The following EPM2A variants were observed in gnomAD, a reference collection of about 807,000 sequenced individuals.
EPM2A encodes the protein EPM2A glucan phosphatase, laforin.
A neutral mutation model predicts 26.5 loss-of-function variants in EPM2A; 21 were observed. The ratio of observed to expected loss-of-function variants is 0.79; its 90% CI spans 0.56 to 1.14. The LOEUF is 1.14. Ranked by LOEUF, EPM2A falls within the 50% of genes most tolerant of loss-of-function variation. The pLI, the probability that EPM2A is intolerant of heterozygous loss-of-function variation, is 0.00. For synonymous variants in EPM2A, 217 were observed against 177.6 expected, an observed-to-expected ratio of 1.22 and a Z score of -1.76; for missense variants, 458 against 440.8, an observed-to-expected ratio of 1.04 and a Z score of -0.35.
intron 1 of EPM2A, among the ~76,000 whole-genome samples, chr6:145,690,267 T>C (rs561785360): frequency 2.9e-4 from 44 of 151,946 alleles, no homozygotes; most frequent in African/African-American, 8.4e-4. Flanking sequence ...TCCCAGCACT[T>C]TGGGAGGCCG....
chr6:145,451,289 T>C (rs1779192487), intron 4 of EPM2A, among the ~76,000 whole-genome samples: 1 of 152,176 alleles, frequency 6.6e-6, no homozygotes, highest in Non-Finnish European at 1.5e-5. Flanking sequence ...TGCATCACTA[T>C]TTTTCAAATG....
intron 2 of EPM2A, among the ~76,000 whole-genome samples, chr6:145,514,481 A>C (rs1213621533): frequency 6.6e-6 from 1 of 152,222 alleles, no homozygotes; most frequent in Admixed American, 6.5e-5. Context: ...AAATTTATTG[A>C]TATATGTACA....
chr6:145,658,886 T>C (rs1778482297), intron 2 of EPM2A, among the ~76,000 whole-genome samples: 1 of 152,174 alleles, frequency 6.6e-6, no homozygotes, highest in Admixed American at 6.5e-5. Flanking sequence ...TGTTTGTAAA[T>C]ATTTGTTCCT....
chr6:145,725,461 A>G (rs1483436256), intron 1 of EPM2A, among the ~76,000 whole-genome samples: 1 of 152,106 alleles, frequency 6.6e-6, no homozygotes, highest in Non-Finnish European at 1.5e-5. Flanking sequence ...ATAAAAATTC[A>G]TACCTACACA....
At chr6:145,491,044 A>G in intron 4 of EPM2A, 1 of 857,238 alleles carries the variant, frequency 1.2e-6, no homozygotes. Flanking sequence ...ACAGGTTCTG[A>G]TTCTGCAGAT....
intron 2 of EPM2A, among the ~76,000 whole-genome samples, chr6:145,540,081 C>T (rs1780485842): frequency 6.6e-6 from 1 of 152,144 alleles, no homozygotes; most frequent in Non-Finnish European, 1.5e-5. Flanking sequence ...TAAAGTGACC[C>T]CCGCCGTGTC....
chr6:145,605,031 G>C (rs1236665608), intron 2 of EPM2A, among the ~76,000 whole-genome samples: 1 of 152,116 alleles, frequency 6.6e-6, no homozygotes, highest in Non-Finnish European at 1.5e-5. Flanking sequence ...ATCTAATGGA[G>C]AGGGGTAATC....
chr6:145,473,318 A>G (rs1429548525), intron 4 of EPM2A, among the ~76,000 whole-genome samples: 1 of 151,992 alleles, frequency 6.6e-6, no homozygotes, highest in African/African-American at 2.4e-5. Context: ...AGAAGAAAAA[A>G]AAAATAGTGA....
At chr6:145,637,923 C>T (rs1776813948) in intron 2 of EPM2A, 1 of 152,206 alleles carries the variant, frequency 6.6e-6, no homozygotes. Flanking sequence ...TAGTGCTGGG[C>T]TCACGTATGT....
At chr6:145,543,852 A>G (rs149602368) in intron 2 of EPM2A, among the ~76,000 whole-genome samples, 217 of 152,324 alleles carry the variant, frequency 1.4e-3, no homozygotes, top group Non-Finnish European at 2.6e-3. Flanking sequence ...TGTACACTCC[A>G]GTACAGTTTG....
At chr6:145,576,714 T>C (rs907590521) in intron 2 of EPM2A, among the ~76,000 whole-genome samples, 2 of 152,106 alleles carry the variant, frequency 1.3e-5, no homozygotes, top group Non-Finnish European at 2.9e-5. Context: ...TAAAACTCAC[T>C]GGTAAAAGTA....
chr6:145,725,256 C>G (rs1776143203), intron 1 of EPM2A, among the ~76,000 whole-genome samples: 1 of 152,008 alleles, frequency 6.6e-6, no homozygotes, highest in African/African-American at 2.4e-5. Context: ...CACTATGCAC[C>G]TATTACAGTA....
intron 1 of EPM2A, among the ~76,000 whole-genome samples, chr6:145,700,714 T>C (rs912864157): frequency 6.6e-6 from 1 of 152,180 alleles, no homozygotes; most frequent in Non-Finnish European, 1.5e-5. Flanking sequence ...CATTGAGAAA[T>C]ATTTTACATT....
At chr6:145,543,208 G>C (rs1057504774) in intron 2 of EPM2A, among the ~76,000 whole-genome samples, 5 of 151,796 alleles carry the variant, frequency 3.3e-5, no homozygotes, top group African/African-American at 1.2e-4. Context: ...AGCAAAGGAT[G>C]CTCTTTTTTT....
At chr6:145,711,979 G>C (rs948719589) in intron 1 of EPM2A, among the ~76,000 whole-genome samples, 4 of 152,014 alleles carry the variant, frequency 2.6e-5, no homozygotes, top group South Asian at 2.1e-4. Flanking sequence ...AGAAGAATAA[G>C]GCATCAGTTT....
At chr6:145,411,220 A>G (rs1778638536) in intron 4 of EPM2A, among the ~76,000 whole-genome samples, 1 of 152,224 alleles carries the variant, frequency 6.6e-6, no homozygotes, top group African/African-American at 2.4e-5. Context: ...ATGATCAGTA[A>G]TCAAGTCTCA....
At chr6:145,489,075 T>C (rs1779721601) in intron 4 of EPM2A, among the ~76,000 whole-genome samples, 1 of 152,122 alleles carries the variant, frequency 6.6e-6, no homozygotes, top group Non-Finnish European at 1.5e-5. Flanking sequence ...TCTCGAAATT[T>C]TGCCACCACC....
chr6:145,625,810 C>G lies in EPM2A; in HGVS notation c.*1606G>C, dbSNP rs1022057411. ...AGCTCCACTGAAACTTACCTTGTATCCTTCTTGTCCCCCACGCCTTCTAAA... is the reference window on the plus strand; with the variant it reads ...AGCTCCACTGAAACTTACCTTGTATGCTTCTTGTCCCCCACGCCTTCTAAA... On this transcript the variant is annotated 3_prime_UTR_variant, in exon 4 of 4. Coordinates refer to ENST00000367519, the MANE Select transcript of EPM2A (RefSeq NM_005670.4). 3 of 1,538,314 alleles carry G rather than the reference C, an allele frequency of 2.0e-6. No individual in the cohort carries two copies. The highest frequency in any genetic ancestry group is 1.7e-4 in the Middle Eastern group (1 of 5,970).
intron 4 of EPM2A, among the ~76,000 whole-genome samples, chr6:145,420,176 T>C (rs547635700): frequency 6.6e-6 from 1 of 152,172 alleles, no homozygotes; most frequent in Admixed American, 6.6e-5. Context: ...CACATGTAAA[T>C]CACCACCACC....
Sources: allele counts gnomAD v4.1 joint callset (sites outside exome capture counted in the v4.1 genomes callset), GRCh38; gene constraint gnomAD v4.1.1; transcripts MANE v1.5; gene names NCBI Gene and HGNC (gene_info 2026-07-23, HGNC 2026-07-21).